The following ASIC2 variants were observed in gnomAD, a reference collection of about 807,000 sequenced individuals.
ASIC2 encodes acid sensing ion channel subunit 2, also known as acid-sensing ion channel 2.
ASIC2 carries 25 observed loss-of-function variants against 57.3 expected under a neutral mutation model. That is an observed-to-expected ratio of 0.44 (90% CI 0.32 to 0.61). ASIC2 has a LOEUF of 0.61. Ranked by LOEUF, ASIC2 falls within the 20% of genes least tolerant of loss-of-function variation. The probability of loss-of-function intolerance (pLI) is 0.06; values close to 1 mark genes in which losing one functional copy is unlikely to be tolerated. For missense variants in ASIC2, 641 were observed against 738.1 expected (o/e 0.87, Z 1.52); for synonymous variants, 319 against 307.5 (o/e 1.04, Z -0.39).
chr17:33,994,277 T>C (rs1906087683), intron 1 of ASIC2, among the ~76,000 whole-genome samples: 1 of 152,198 alleles, frequency 6.6e-6, no homozygotes. Context: ...AGAAGAGCCA[T>C]GTGGTAAATC....
chr17:33,782,845 C>G (rs1426231169), intron 1 of ASIC2, among the ~76,000 whole-genome samples: 1 of 152,222 alleles, frequency 6.6e-6, no homozygotes, highest in African/African-American at 2.4e-5. Context: ...AGCCTATTCT[C>G]AGGCTCCGGC....
chr17:33,356,893 C>A (rs1348402518), intron 1 of ASIC2, among the ~76,000 whole-genome samples: 1 of 151,990 alleles, frequency 6.6e-6, no homozygotes, highest in Non-Finnish European at 1.5e-5. Flanking sequence ...TGTTACAGAG[C>A]AAGACATCTC....
At position 33,478,685 on chromosome 17, in the gene ASIC2, G is replaced by A. The variant is rs563172221; in HGVS notation, c.556-366618C>T. Among the ~76,000 whole-genome samples the A allele has an allele frequency of 2.4e-4, 36 of 152,332 alleles. No individual in the cohort carries two copies. In the South Asian group the frequency reaches 6.8e-3, roughly 29 times the overall value. On this transcript the variant is annotated intron_variant, in intron 1 of 9. Coordinates refer to the ASIC2 transcript ENST00000359872. ...GTCTCAGCATGTGAGAGCTGGAAGA[G>A]TCCCTGGGTCCCCTAGTTCTACCAT...
intron 1 of ASIC2, among the ~76,000 whole-genome samples, chr17:34,058,428 C>T (rs1471352981): frequency 2.6e-5 from 4 of 152,188 alleles, no homozygotes; most frequent in Admixed American, 6.5e-5. Context: ...CATTTGTTCT[C>T]TTATCTCTGG....
intron 3 of ASIC2, among the ~76,000 whole-genome samples, chr17:33,048,051 T>A (rs1023397644): frequency 6.6e-6 from 1 of 152,166 alleles, no homozygotes; most frequent in African/African-American, 2.4e-5. Context: ...ATGATAAGGT[T>A]GGAGTCCCTG....
chr17:33,484,566 A>G lies in ASIC2; in HGVS notation c.556-372499T>C, dbSNP rs1403860191. Among the ~76,000 whole-genome samples the G allele has an allele frequency of 3.3e-5, 5 of 152,198 alleles. No homozygotes were observed. In the East Asian group the frequency reaches 9.6e-4, roughly 29 times the overall value. The stretch of plus-strand genomic sequence containing the variant: ...TTTCAACCAGTTACCAATAAAACAA[A>G]TTTACTGAGATATTGTACATTTTTC... On this transcript the variant is annotated intron_variant, in intron 1 of 9. Transcript: ENST00000359872.
At chr17:33,639,490 A>G (rs917025840) in intron 1 of ASIC2, among the ~76,000 whole-genome samples, 1 of 152,178 alleles carries the variant, frequency 6.6e-6, no homozygotes, top group Non-Finnish European at 1.5e-5. Flanking sequence ...ACTTCAGTCA[A>G]AGGTTCCCAC....
chr17:33,968,662 C>T (rs554828239), intron 1 of ASIC2, among the ~76,000 whole-genome samples: 11 of 152,212 alleles, frequency 7.2e-5, no homozygotes, highest in Non-Finnish European at 1.3e-4. Flanking sequence ...GCTTCAGCTC[C>T]GTTGGGCTTC....
At chr17:33,974,437 T>C (rs1196761976) in intron 1 of ASIC2, among the ~76,000 whole-genome samples, 1 of 152,136 alleles carries the variant, frequency 6.6e-6, no homozygotes, top group South Asian at 2.1e-4. Context: ...TATCCCTGGA[T>C]TTTTCCTTGG....
intron 1 of ASIC2, among the ~76,000 whole-genome samples, chr17:33,786,510 C>T (rs1911604291): frequency 6.6e-6 from 1 of 152,162 alleles, no homozygotes; most frequent in African/African-American, 2.4e-5. Flanking sequence ...ATATAAAGGA[C>T]ATTTTTAATA....
At chr17:33,476,123 C>A (rs1913211085) in intron 1 of ASIC2, among the ~76,000 whole-genome samples, 6 of 152,138 alleles carry the variant, frequency 3.9e-5, no homozygotes, top group Admixed American at 3.9e-4. Flanking sequence ...GTATGTGGCA[C>A]AGAACACTGT....
chr17:33,329,459 C>T (rs572240178), intron 1 of ASIC2, among the ~76,000 whole-genome samples: 1 of 152,250 alleles, frequency 6.6e-6, no homozygotes, highest in South Asian at 2.1e-4. Flanking sequence ...GACCCAGACT[C>T]TGTGTTACAG....
chr17:33,761,767 C>G (rs1910787697), intron 1 of ASIC2, among the ~76,000 whole-genome samples: 1 of 152,056 alleles, frequency 6.6e-6, no homozygotes, highest in South Asian at 2.1e-4. Context: ...CCTTCTATTT[C>G]CCTCCCACCC....
chr17:33,962,605 T>A (rs1483184555), intron 1 of ASIC2, among the ~76,000 whole-genome samples: 1 of 152,128 alleles, frequency 6.6e-6, no homozygotes, highest in Non-Finnish European at 1.5e-5. Flanking sequence ...CATGTTCGCT[T>A]GTACTGGGGG....
intron 1 of ASIC2, among the ~76,000 whole-genome samples, chr17:33,586,949 A>G (rs1904658674): frequency 6.6e-6 from 1 of 152,236 alleles, no homozygotes; most frequent in Non-Finnish European, 1.5e-5. Context: ...AGCCACACCT[A>G]GCATCTAGCA....
chr17:33,249,903 T>A (rs1420650505), intron 1 of ASIC2, among the ~76,000 whole-genome samples: 1 of 152,030 alleles, frequency 6.6e-6, no homozygotes, highest in African/African-American at 2.4e-5. Context: ...GGAGTTGGGA[T>A]CATGGTGGGA....
intron 1 of ASIC2, among the ~76,000 whole-genome samples, chr17:34,078,407 C>T (rs897205734): frequency 1.3e-5 from 2 of 152,094 alleles, no homozygotes; most frequent in Admixed American, 6.5e-5. Flanking sequence ...AAGAACATAG[C>T]GAATATAACG....
intron 3 of ASIC2, among the ~76,000 whole-genome samples, chr17:33,088,593 G>T (rs1026155961): frequency 1.3e-5 from 2 of 151,822 alleles, no homozygotes; most frequent in African/African-American, 4.8e-5. Flanking sequence ...AAATTAACTT[G>T]TACAAAAAGT....
intron 3 of ASIC2, among the ~76,000 whole-genome samples, chr17:33,044,819 C>G (rs7342898): frequency 0.032 from 4,867 of 152,242 alleles, 271 homozygotes; most frequent in African/African-American, 0.11. Context: ...TCATAATGTC[C>G]AGGCGTAGTG....
Sources: allele counts gnomAD v4.1 joint callset (sites outside exome capture counted in the v4.1 genomes callset), GRCh38; gene constraint gnomAD v4.1.1; transcripts MANE v1.5; gene names NCBI Gene and HGNC (gene_info 2026-07-23, HGNC 2026-07-21).